The following ERI3 variants were observed in gnomAD, a reference collection of about 807,000 sequenced individuals.
ERI3 encodes ERI1 exoribonuclease family member 3, also known as ERI1 exoribonuclease 3.
In ERI3, 18 loss-of-function variants were observed where a neutral mutation model predicts 44.4. The ratio of observed to expected loss-of-function variants is 0.41; its 90% CI spans 0.28 to 0.60. ERI3 has a LOEUF of 0.60. Ranked by LOEUF, ERI3 falls within the 20% of genes least tolerant of loss-of-function variation. The pLI, the probability that ERI3 is intolerant of heterozygous loss-of-function variation, is 0.36. For missense variants in ERI3, 294 were observed against 435.5 expected (o/e 0.68, Z 2.89); for synonymous variants, 183 against 164.8 (o/e 1.11, Z -0.84).
chr1:44,257,025 G>A (rs1235196268), intron 7 of ERI3: 1 of 152,082 alleles, frequency 6.6e-6, no homozygotes, highest in East Asian at 1.9e-4. Flanking sequence ...TACATTGTGA[G>A]TTTTCTTTGT....
intron 6 of ERI3, among the ~76,000 whole-genome samples, chr1:44,301,735 T>TATTG (rs1476522654): frequency 3.9e-5 from 6 of 152,188 alleles, no homozygotes; most frequent in African/African-American, 1.4e-4. Flanking sequence ...CCCACTCCAA[T>TATTG]GGCTGAGGAG....
intron 8 of ERI3, among the ~76,000 whole-genome samples, chr1:44,233,879 T>C (rs74543058): frequency 0.032 from 4,931 of 152,290 alleles, 100 homozygotes; most frequent in Middle Eastern, 0.044. Flanking sequence ...TCTCCCACCT[T>C]GCGATCTGAT....
chr1:44,236,658 G>A (rs1438289904), intron 8 of ERI3, among the ~76,000 whole-genome samples: 1 of 152,154 alleles, frequency 6.6e-6, no homozygotes, highest in Non-Finnish European at 1.5e-5. Context: ...GAAGGGCGTG[G>A]AGTGTGGGGA....
chr1:44,256,745 G>GCTA lies in ERI3; in HGVS notation c.832-8710_832-8708dup, dbSNP rs1644789148. On this transcript the variant is annotated intron_variant, in intron 7 of 8. Transcript: ENST00000372257. ...CTGGGGGTCCCAGGAGTGGAAGACA[G>GCTA]CTACCAGCTCAGTTTGATCCCAAGT... 2.0e-5 allele frequency: 3 copies of GCTA among 152,250 alleles called. No homozygotes were observed. The South Asian group carries it at 6.2e-4, about 31-fold the overall frequency. The allele number at this position is 152,250 out of a possible 1,614,324, so 9.4% of individuals were successfully genotyped here.
In ERI3 at chr1:44,221,698, G is replaced by A. The variant is rs906790392; in HGVS notation, c.932-58C>T. On this transcript the variant is annotated intron_variant, in intron 8 of 8. Coordinates refer to ENST00000372257, the MANE Select transcript of ERI3 (RefSeq NM_024066.3). This position sits in a 1 kb window ranked among gnomAD's most constrained non-coding sequence, Gnocchi z 5.9. ...CAGATCCTTCCCCTCCATGCCCACAGGTGCTCTTACAAGGGTGGGGGTGGG... is the reference window on the plus strand; with the variant it reads ...CAGATCCTTCCCCTCCATGCCCACAAGTGCTCTTACAAGGGTGGGGGTGGG... The A allele has an allele frequency of 7.0e-6, 10 of 1,428,506 alleles. No homozygotes were observed. Among genetic ancestry groups the A allele is most frequent in the Non-Finnish European group, 9.9e-6 (10 of 1,012,290 alleles). The allele number at this position is 1,428,506 out of a possible 1,614,324, so 88.5% of individuals were successfully genotyped here. A position where few individuals can be genotyped will look rare whatever the true frequency, so the allele number is the denominator to read the frequency against.
At chr1:44,332,411 C>A (rs1572302681) in intron 3 of ERI3, among the ~76,000 whole-genome samples, 1 of 152,162 alleles carries the variant, frequency 6.6e-6, no homozygotes, top group African/African-American at 2.4e-5. Context: ...GATTTTGTTA[C>A]CAGTGACCCA....
chr1:44,226,817 A>AG, intron 8 of ERI3, among the ~76,000 whole-genome samples: 1 of 149,988 alleles, frequency 6.7e-6, no homozygotes, highest in African/African-American at 2.4e-5. Context: ...ACACACACAA[A>AG]CTATCCTATG....
rs112658960 is a variant in ERI3 at position 44,255,747 on chromosome 1, C to T, written c.832-7709G>A. Among the ~76,000 whole-genome samples the T allele has an allele frequency of 4.5e-3, 686 of 152,280 alleles. 6 individuals carry two copies. Among genetic ancestry groups the T allele is most frequent in the African/African-American group, 0.016 (653 of 41,532 alleles). On this transcript the variant is annotated intron_variant, in intron 7 of 8. Coordinates refer to ENST00000372257, the MANE Select transcript of ERI3 (RefSeq NM_024066.3). ...TCCCAAATTGCAGTGAAAGCTATTA[C>T]CATCTACCTGGTCTACCAGGCCAGA...
intron 2 of ERI3, among the ~76,000 whole-genome samples, chr1:44,349,100 T>C (rs1646840927): frequency 6.6e-6 from 1 of 152,204 alleles, no homozygotes; most frequent in Non-Finnish European, 1.5e-5. Flanking sequence ...CTCGATTTGC[T>C]TTACTGATGG....
chr1:44,226,778 A>AACACACAC (rs60011057), intron 8 of ERI3, among the ~76,000 whole-genome samples: 24,314 of 143,216 alleles, frequency 0.17, 2,090 homozygotes, highest in South Asian at 0.19. Context: ...AGCATTATTA[A>AACACACAC]ACACACACAC....
rs1557764563 is a variant in ERI3, at chr1:44,226,816, A to ACAC, written c.932-5177_932-5176insGTG. On this transcript the variant is annotated intron_variant, in intron 8 of 8. Coordinates refer to ENST00000372257, the MANE Select transcript of ERI3 (RefSeq NM_024066.3). Reference sequence around the variant, plus strand: ...ACACACACACACACACACACACACAAACTATCCTATGTTTTCTTCTAATAC... The same window carrying ACAC: ...ACACACACACACACACACACACACAACACACTATCCTATGTTTTCTTCTAATAC... 3.7e-3 allele frequency among the ~76,000 whole-genome samples: 327 copies of ACAC among 87,398 alleles called. 1 individual carries two copies. The highest frequency in any genetic ancestry group is 0.015 in the African/African-American group (297 of 20,358). The allele number at this position is 87,398 out of a possible 152,430, so 57.3% of individuals were successfully genotyped here.
At chr1:44,270,752 T>G (rs973546639) in intron 7 of ERI3, among the ~76,000 whole-genome samples, 4 of 152,210 alleles carry the variant, frequency 2.6e-5, no homozygotes, top group Non-Finnish European at 5.9e-5. Flanking sequence ...GAGGTCACTT[T>G]GCAGCAGCTG....
chr1:44,262,613 C>T (rs920359342), intron 7 of ERI3, among the ~76,000 whole-genome samples: 10 of 152,162 alleles, frequency 6.6e-5, no homozygotes, highest in African/African-American at 1.9e-4. Context: ...TTGTGGCAGG[C>T]GCAGGGTCAG....
intron 8 of ERI3, among the ~76,000 whole-genome samples, chr1:44,225,202 G>T (rs377348392): frequency 6.6e-6 from 1 of 152,158 alleles, no homozygotes; most frequent in African/African-American, 2.4e-5. Context: ...GAGTGAGGTG[G>T]CAGGGAGCAC....
chr1:44,299,943 A>C (rs886116525), intron 6 of ERI3, among the ~76,000 whole-genome samples: 48 of 152,262 alleles, frequency 3.2e-4, no homozygotes, highest in African/African-American at 1.1e-3. Flanking sequence ...CATAGGATCC[A>C]ATTTGTCTTC....
intron 7 of ERI3, among the ~76,000 whole-genome samples, chr1:44,275,662 C>A (rs1483916863): frequency 6.6e-6 from 1 of 152,174 alleles, no homozygotes; most frequent in East Asian, 1.9e-4. Flanking sequence ...CCAGAAATTG[C>A]AGCAAGGCAT....
chr1:44,348,054 G>T (rs1646819150), intron 2 of ERI3, among the ~76,000 whole-genome samples: 1 of 152,126 alleles, frequency 6.6e-6, no homozygotes, highest in Non-Finnish European at 1.5e-5. Flanking sequence ...GTAAATGTTT[G>T]CTAAATGAAT....
chr1:44,281,382 G>A (rs1645279257), intron 7 of ERI3, among the ~76,000 whole-genome samples: 1 of 151,864 alleles, frequency 6.6e-6, no homozygotes, highest in South Asian at 2.1e-4. Context: ...GAGCCCAGGA[G>A]TTTGAGACCA....
chr1:44,355,081 C>A lies in ERI3; in HGVS notation c.-55G>T. The A allele has an allele frequency of 7.0e-6, 9 of 1,288,156 alleles. No individual in the cohort carries two copies. The highest frequency in any genetic ancestry group is 3.0e-5 in the South Asian group (1 of 33,384). The allele number at this position is 1,288,156 out of a possible 1,614,324, so 79.8% of individuals were successfully genotyped here. On this transcript the variant is annotated 5_prime_UTR_variant, in exon 1 of 9. Transcript: ENST00000372257. The stretch of plus-strand genomic sequence containing the variant: ...GCAGGCTCCCTCCAGGTGCAGGCCC[C>A]GACGTCTCCCTCGGCCTCAGCAAGC...
Sources: gnomAD v4.1 joint callset for allele counts (sites outside exome capture counted in the v4.1 genomes callset) on GRCh38, gnomAD v4.1.1 for gene constraint, Gnocchi (gnomAD v3.1) non-coding constraint, MANE v1.5 for transcripts, NCBI Gene and HGNC (gene_info 2026-07-23, HGNC 2026-07-21) for gene names.